Variants in ZNF385D observed in about 807,000 individuals in gnomAD.
ZNF385D encodes zinc finger protein 385D, also known as zinc finger protein 659.
ZNF385D carries 15 observed loss-of-function variants against 35.8 expected under a neutral mutation model. That is an observed-to-expected ratio of 0.42 (90% CI 0.28 to 0.64). The LOEUF is 0.64. ZNF385D is among the 30% of genes least tolerant of loss of function. The pLI is 0.23. For synonymous variants in ZNF385D, 212 were observed against 186.8 expected, an observed-to-expected ratio of 1.13 and a Z score of -1.10; for missense variants, 474 against 494.6, an observed-to-expected ratio of 0.96 and a Z score of 0.39.
intron 3 of ZNF385D, chr3:22,134,222 A>G (rs1559395764): frequency 6.6e-6 from 1 of 152,144 alleles, no homozygotes; most frequent in Non-Finnish European, 1.5e-5. Context: ...AAGGAAAAGG[A>G]CAGGAAAATA....
At position 22,264,414 on chromosome 3, in the gene ZNF385D, G is replaced by A. The variant is rs79222699; in HGVS notation, c.107-95379C>T. Among the ~76,000 whole-genome samples, 1,153 of 152,128 alleles carry A rather than the reference G, an allele frequency of 7.6e-3. 29 individuals are homozygous for A. Among genetic ancestry groups the A allele is most frequent in the African/African-American group, 0.027 (1,106 of 41,536 alleles). On this transcript the variant is annotated intron_variant, in intron 2 of 5. Transcript: ENST00000494108. ...AGCCAAGACAATTGATCAGTGGCAG[G>A]GCTGTGTTGCATGGCAAAGACTAGG...
At chr3:21,852,948 C>T (rs532120699) in intron 3 of ZNF385D, among the ~76,000 whole-genome samples, 2 of 151,944 alleles carry the variant, frequency 1.3e-5, no homozygotes, top group Admixed American at 6.6e-5. Context: ...GTCTAGAAAT[C>T]AGTTTCAATT....
intron 2 of ZNF385D, among the ~76,000 whole-genome samples, chr3:22,369,868 T>G (rs1478161631): frequency 1.3e-5 from 2 of 152,188 alleles, no homozygotes; most frequent in African/African-American, 4.8e-5. Flanking sequence ...GTACTGAATT[T>G]ATGAAGTTGG....
chr3:22,005,934 C>A (rs995966390), intron 3 of ZNF385D, among the ~76,000 whole-genome samples: 7 of 152,052 alleles, frequency 4.6e-5, no homozygotes, highest in African/African-American at 1.7e-4. Context: ...AAGCACTATT[C>A]ACAGATATTT....
At chr3:21,574,060 C>CA (rs57041075) in intron 2 of ZNF385D, among the ~76,000 whole-genome samples, 26,491 of 128,948 alleles carry the variant, frequency 0.21, 3,471 homozygotes, top group Middle Eastern at 0.29. Context: ...AACTCCGTCT[C>CA]AAAAAAAAAA....
At chr3:21,426,007 A>G (rs1045221962) in intron 5 of ZNF385D, among the ~76,000 whole-genome samples, 4 of 152,168 alleles carry the variant, frequency 2.6e-5, no homozygotes, top group African/African-American at 9.7e-5. Flanking sequence ...GTGTGACTTC[A>G]TTTCATTTCC....
intron 3 of ZNF385D, among the ~76,000 whole-genome samples, chr3:21,775,368 G>A (rs1295851232): frequency 6.6e-6 from 1 of 151,650 alleles, no homozygotes; most frequent in African/African-American, 2.4e-5. Flanking sequence ...TGAAAGTTAT[G>A]ACCAGTGAGG....
chr3:22,205,232 GA>G (rs575156559), intron 2 of ZNF385D, among the ~76,000 whole-genome samples: 1 of 151,388 alleles, frequency 6.6e-6, no homozygotes, highest in Non-Finnish European at 1.5e-5. Context: ...AATGCCGAAG[GA>G]AAAAATATTT....
At chr3:22,076,209 G>A (rs907842208) in intron 3 of ZNF385D, among the ~76,000 whole-genome samples, 1 of 151,658 alleles carries the variant, frequency 6.6e-6, no homozygotes, top group Non-Finnish European at 1.5e-5. Flanking sequence ...CAATTCAAAA[G>A]TCCTCATTAG....
chr3:21,954,993 G>GC (rs1702222136), intron 3 of ZNF385D, among the ~76,000 whole-genome samples: 1 of 152,132 alleles, frequency 6.6e-6, no homozygotes, highest in Non-Finnish European at 1.5e-5. Flanking sequence ...ATGCCCCTGT[G>GC]AGTTCACTGG....
chr3:21,440,998 C>T (rs1701831632), intron 4 of ZNF385D, among the ~76,000 whole-genome samples: 1 of 152,054 alleles, frequency 6.6e-6, no homozygotes, highest in African/African-American at 2.4e-5. Flanking sequence ...TGCACTCAAA[C>T]TTTATTACAT....
intron 1 of ZNF385D, among the ~76,000 whole-genome samples, chr3:21,689,151 A>G (rs900762797): frequency 1.4e-5 from 2 of 141,818 alleles, no homozygotes. Flanking sequence ...AAAAAAAAAA[A>G]TACTATTCCA....
chr3:21,473,299 G>T (rs546760204), intron 4 of ZNF385D, among the ~76,000 whole-genome samples: 2 of 152,024 alleles, frequency 1.3e-5, no homozygotes, highest in South Asian at 2.1e-4. Context: ...AGGTTGGAGA[G>T]CTAAAAACTC....
rs191175273 is a variant in ZNF385D at position 21,531,941 on chromosome 3, C to T, written c.277-20918G>A. 2.4e-4 allele frequency among the ~76,000 whole-genome samples: 37 copies of T among 152,158 alleles called. 1 individual carries two copies. Among genetic ancestry groups the T allele is most frequent in the Admixed American group, 2.1e-3 (32 of 15,280 alleles). On this transcript the variant is annotated intron_variant, in intron 3 of 7. Transcript: ENST00000281523. ...GGTAAATCAATTGAAACAAATGTAC[C>T]ATTCTAGAGGGGAATATTGATAATG...
chr3:21,514,908 A>C (rs1182035499), intron 3 of ZNF385D, among the ~76,000 whole-genome samples: 1 of 152,100 alleles, frequency 6.6e-6, no homozygotes, highest in Admixed American at 6.6e-5. Context: ...CAATCTTGAA[A>C]TAGCACATGA....
rs1214862862 is a variant in ZNF385D, at chr3:21,708,669, T to C, written c.22+42226A>G. ...TTTTTGTATTCAATGTTAAAAATTA[T>C]TTTATTACAGCTTGGTTTGATTCTC... On this transcript the variant is annotated intron_variant, in intron 1 of 7. Coordinates refer to ENST00000281523, the MANE Select transcript of ZNF385D (RefSeq NM_024697.3). Among the ~76,000 whole-genome samples, 8 of 152,342 alleles carry C rather than the reference T, an allele frequency of 5.3e-5. No homozygotes were observed. In the East Asian group the frequency reaches 1.5e-3, roughly 29 times the overall value.
intron 3 of ZNF385D, among the ~76,000 whole-genome samples, chr3:22,145,060 G>C (rs1157572030): frequency 6.6e-6 from 1 of 150,606 alleles, no homozygotes; most frequent in Admixed American, 6.6e-5. Context: ...AGTTATCAGT[G>C]ATACTACATA....
At chr3:21,553,977 C>G (rs879470706) in intron 3 of ZNF385D, among the ~76,000 whole-genome samples, 4 of 152,146 alleles carry the variant, frequency 2.6e-5, no homozygotes, top group Non-Finnish European at 4.4e-5. Flanking sequence ...GTTTTGAAAC[C>G]CTCAAAGTCA....
At chr3:22,160,138 C>A (rs1705853171) in intron 3 of ZNF385D, among the ~76,000 whole-genome samples, 1 of 152,048 alleles carries the variant, frequency 6.6e-6, no homozygotes, top group Non-Finnish European at 1.5e-5. Flanking sequence ...CCTGAGGCCT[C>A]CCCAGCCATG....
Sources: gnomAD v4.1 joint callset for allele counts (sites outside exome capture counted in the v4.1 genomes callset) on GRCh38, gnomAD v4.1.1 for gene constraint, MANE v1.5 for transcripts, NCBI Gene and HGNC (gene_info 2026-07-23, HGNC 2026-07-21) for gene names.